B3GALT1: variants seen among roughly 807,000 people sequenced by gnomAD.
B3GALT1 encodes the protein beta-1,3-galactosyltransferase 1, also known as UDP-Gal:betaGlcNAc beta 1,3-galactosyltransferase, polypeptide 1.
A neutral mutation model predicts 23.2 loss-of-function variants in B3GALT1; 10 were observed. The ratio of observed to expected loss-of-function variants is 0.43; its 90% confidence interval spans 0.27 to 0.73. The LOEUF is 0.73. Among genes scored for constraint, B3GALT1 ranks in the 30% least tolerant of loss-of-function variants. B3GALT1 has a pLI of 0.21. For missense variants in B3GALT1, 299 were observed against 405.4 expected, an observed-to-expected ratio of 0.74 and a Z score of 2.25; for synonymous variants, 156 against 141.5, an observed-to-expected ratio of 1.10 and a Z score of -0.73.
intron 1 of B3GALT1, among the ~76,000 whole-genome samples, chr2:167,404,027 G>T (rs1418899085): frequency 6.6e-6 from 1 of 152,078 alleles, no homozygotes; most frequent in East Asian, 1.9e-4. Context: ...AAGAAGAGAG[G>T]TTTATTTTGC....
intron 2 of B3GALT1, among the ~76,000 whole-genome samples, chr2:167,607,698 T>A (rs1684991290): frequency 6.6e-6 from 1 of 152,224 alleles, no homozygotes; most frequent in African/African-American, 2.4e-5. Context: ...CCTTTTTTAA[T>A]CTTTTAAAAA....
chr2:167,478,755 C>A (rs1368105064), intron 1 of B3GALT1, among the ~76,000 whole-genome samples: 1 of 151,602 alleles, frequency 6.6e-6, no homozygotes, highest in Non-Finnish European at 1.5e-5. Flanking sequence ...TGTGATGTTC[C>A]CCACCCTGTG....
intron 2 of B3GALT1, among the ~76,000 whole-genome samples, chr2:167,624,057 T>C (rs1462619256): frequency 2.0e-5 from 3 of 152,058 alleles, no homozygotes; most frequent in Non-Finnish European, 4.4e-5. Flanking sequence ...GTGCATATAA[T>C]TTAGACAAGT....
At chr2:167,394,468 A>G (rs1353012774) in intron 1 of B3GALT1, among the ~76,000 whole-genome samples, 1 of 152,146 alleles carries the variant, frequency 6.6e-6, no homozygotes, top group Non-Finnish European at 1.5e-5. Flanking sequence ...GGATATATTT[A>G]TATATTGTTC....
chr2:167,490,866 G>A (rs1298147185), intron 2 of B3GALT1, among the ~76,000 whole-genome samples: 1 of 152,194 alleles, frequency 6.6e-6, no homozygotes, highest in Non-Finnish European at 1.5e-5. Flanking sequence ...TAGATTTTCA[G>A]TGGAAGTTAA....
chr2:167,727,117 C>G (rs1041930070), intron 3 of B3GALT1, among the ~76,000 whole-genome samples: 1 of 151,612 alleles, frequency 6.6e-6, no homozygotes, highest in Non-Finnish European at 1.5e-5. Flanking sequence ...TTTTTTTTAG[C>G]TTAGAGATAC....
At chr2:167,309,315 A>G (rs1231678266) in intron 1 of B3GALT1, among the ~76,000 whole-genome samples, 1 of 152,074 alleles carries the variant, frequency 6.6e-6, no homozygotes, top group Non-Finnish European at 1.5e-5. Flanking sequence ...TCTAAGCTAA[A>G]TTAATGTACT....
intron 1 of B3GALT1, among the ~76,000 whole-genome samples, chr2:167,301,664 C>G (rs1300063646): frequency 6.6e-6 from 1 of 152,200 alleles, no homozygotes. Context: ...GATTCTCCTG[C>G]CTCAGCCTCC....
intron 3 of B3GALT1, among the ~76,000 whole-genome samples, chr2:167,733,507 G>C (rs1018106147): frequency 6.6e-6 from 1 of 152,006 alleles, no homozygotes; most frequent in Admixed American, 6.5e-5. Context: ...GCCCAGGGAA[G>C]CCAAAAGATT....
intron 4 of B3GALT1, among the ~76,000 whole-genome samples, chr2:167,833,039 C>T (rs1018408148): frequency 2.0e-5 from 3 of 152,188 alleles, no homozygotes; most frequent in Non-Finnish European, 4.4e-5. Flanking sequence ...TGATGGAGAG[C>T]AGTGTGATTG....
intron 1 of B3GALT1, among the ~76,000 whole-genome samples, chr2:167,433,504 T>G (rs1184864461): frequency 6.6e-6 from 1 of 151,998 alleles, no homozygotes; most frequent in Non-Finnish European, 1.5e-5. Flanking sequence ...AGGATAAGAG[T>G]TGATAGGTTA....
At chr2:167,438,774 T>G (rs6729076) in intron 1 of B3GALT1, among the ~76,000 whole-genome samples, 16,477 of 152,226 alleles carry the variant, frequency 0.11, 1,025 homozygotes, top group African/African-American at 0.18. Context: ...TCTTTCAGTT[T>G]AGGAATCTGT....
intron 4 of B3GALT1, among the ~76,000 whole-genome samples, chr2:167,840,204 C>G (rs1689608764): frequency 6.6e-6 from 1 of 151,448 alleles, no homozygotes; most frequent in African/African-American, 2.4e-5. Flanking sequence ...TAAAGAGCTT[C>G]TGCACAGCAA....
intron 3 of B3GALT1, among the ~76,000 whole-genome samples, chr2:167,652,186 A>G (rs1685880951): frequency 6.6e-6 from 1 of 152,206 alleles, no homozygotes; most frequent in Admixed American, 6.5e-5. Flanking sequence ...TAATCTACCA[A>G]CAGCTAAGAA....
rs576990000 is a variant in B3GALT1 at position 167,532,892 on chromosome 2, G to A, written c.-410+42615G>A. On this transcript the variant is annotated intron_variant, in intron 2 of 4. Transcript: ENST00000392690. Reference sequence around the variant, plus strand: ...TTTTTTTTTTGGGAGACAGAGTTTCGCTCTTGTTGCCCAGGCTGGAGTGCA... The same window carrying A: ...TTTTTTTTTTGGGAGACAGAGTTTCACTCTTGTTGCCCAGGCTGGAGTGCA... Among the ~76,000 whole-genome samples, 279 of 122,666 alleles carry A rather than the reference G, an allele frequency of 2.3e-3. 2 individuals carry two copies. The highest frequency in any genetic ancestry group is 0.013 in the Middle Eastern group (2 of 158). 80.5% of individuals were successfully genotyped at this position (122,666 alleles called of 152,430 possible).
intron 1 of B3GALT1, among the ~76,000 whole-genome samples, chr2:167,422,693 C>T (rs912123223): frequency 6.6e-6 from 1 of 152,080 alleles, no homozygotes; most frequent in Non-Finnish European, 1.5e-5. Context: ...TGGTGGCTGT[C>T]AGCTGAATGG....
In B3GALT1 at chr2:167,736,408, G is replaced by C. The variant is rs147909767; in HGVS notation, c.-351-82264G>C. 2.1e-3 allele frequency among the ~76,000 whole-genome samples: 321 copies of C among 152,264 alleles called. 2 individuals are homozygous for C. Among genetic ancestry groups the C allele is most frequent in the African/African-American group, 7.4e-3 (306 of 41,556 alleles). The stretch of plus-strand genomic sequence containing the variant: ...TCTTTTCATCACTATAGAACATGTA[G>C]GACTCCTTCAGAATGCCTTAGGGGT... On this transcript the variant is annotated intron_variant, in intron 3 of 4. Coordinates refer to ENST00000392690, the MANE Select transcript of B3GALT1 (RefSeq NM_020981.4).
intron 3 of B3GALT1, among the ~76,000 whole-genome samples, chr2:167,800,294 G>A (rs1167407462): frequency 6.6e-6 from 1 of 152,134 alleles, no homozygotes; most frequent in African/African-American, 2.4e-5. Context: ...CAGCATCCTT[G>A]TATGATGCCT....
intron 1 of B3GALT1, among the ~76,000 whole-genome samples, chr2:167,426,973 A>G (rs1698631556): frequency 6.6e-6 from 1 of 152,222 alleles, no homozygotes; most frequent in African/African-American, 2.4e-5. Context: ...ATGTTCCCCA[A>G]CAGCAAAATG....
Sources: allele counts gnomAD v4.1 joint callset (sites outside exome capture counted in the v4.1 genomes callset), GRCh38; gene constraint gnomAD v4.1.1; transcripts MANE v1.5; gene names NCBI Gene and HGNC (gene_info 2026-07-23, HGNC 2026-07-21).